Variants in SLC35H1 observed in about 807,000 individuals in gnomAD.
SLC35H1 encodes the protein solute carrier family 35 member H1.
chr20:46,359,752 TG>T, the SLC35H1 span, among the ~76,000 whole-genome samples: 5 of 152,236 alleles, frequency 3.3e-5, no homozygotes, highest in Non-Finnish European at 7.3e-5. Flanking sequence ...CTGCTTCATC[TG>T]GGTGCCCCCC....
the SLC35H1 span, chr20:46,350,736 GCT>G: frequency 6.2e-7 from 1 of 1,611,220 alleles, no homozygotes; most frequent in Non-Finnish European, 8.5e-7. Flanking sequence ...GAAAACAGAG[GCT>G]TCTGGAAGGG....
At chr20:46,353,859 G>C in the SLC35H1 span, among the ~76,000 whole-genome samples, 1 of 151,686 alleles carries the variant, frequency 6.6e-6, no homozygotes, top group African/African-American at 2.4e-5. Flanking sequence ...TTTTAAAGAA[G>C]GAAAAAAAAC....
chr20:46,363,313 G>C, the SLC35H1 span: 2 of 151,986 alleles, frequency 1.3e-5, no homozygotes, highest in African/African-American at 4.8e-5. Flanking sequence ...CAATCCACTT[G>C]CCAATGATTT....
the SLC35H1 span, chr20:46,357,758 G>A: frequency 6.2e-7 from 1 of 1,614,088 alleles, no homozygotes; most frequent in East Asian, 2.2e-5. Context: ...GTCATGAAGA[G>A]GGGGAAATGG....
chr20:46,359,034 G>A, the SLC35H1 span: 12 of 462,652 alleles, frequency 2.6e-5, no homozygotes, highest in South Asian at 1.5e-4. Flanking sequence ...TTCTGATAAA[G>A]ACCAGCACCC....
chr20:46,355,254 G>A, the SLC35H1 span: 1 of 1,608,516 alleles, frequency 6.2e-7, no homozygotes, highest in South Asian at 1.1e-5. This position sits in a 1 kb window ranked among gnomAD's most constrained non-coding sequence, Gnocchi z 4.8. Flanking sequence ...GGTAGGATGG[G>A]GAGCAGTGGC....
chr20:46,356,506 A>G, the SLC35H1 span: 1 of 1,509,046 alleles, frequency 6.6e-7, no homozygotes, highest in Non-Finnish European at 9.2e-7. Context: ...CCGGGTGTGC[A>G]GACACCCCGC....
the SLC35H1 span, among the ~76,000 whole-genome samples, chr20:46,361,880 G>T: frequency 1.3e-5 from 2 of 152,188 alleles, no homozygotes; most frequent in African/African-American, 4.8e-5. Flanking sequence ...AGGGAAGTCT[G>T]TTCACTCTTC....
chr20:46,346,030 G>T, the SLC35H1 span: 1 of 152,192 alleles, frequency 6.6e-6, no homozygotes, highest in East Asian at 1.9e-4. Context: ...CTCCAGCAGC[G>T]ATCACCGGCC....
chr20:46,352,089 T>A, the SLC35H1 span: 1 of 1,614,064 alleles, frequency 6.2e-7, no homozygotes, highest in Non-Finnish European at 8.5e-7. Context: ...AGGCTGGAGG[T>A]TCTGGAGACC....
chr20:46,348,412 C>G, the SLC35H1 span: 1 of 152,200 alleles, frequency 6.6e-6, no homozygotes, highest in Non-Finnish European at 1.5e-5. Context: ...GCCCAAGCAG[C>G]CTGCATCCCA....
the SLC35H1 span, chr20:46,358,504 CATTCGT>C: frequency 4.3e-6 from 7 of 1,614,106 alleles, no homozygotes; most frequent in Admixed American, 5.0e-5. Context: ...CCCACCTCCC[CATTCGT>C]GGCGGCTGCA....
the SLC35H1 span, chr20:46,358,626 C>T: frequency 6.4e-7 from 1 of 1,565,900 alleles, no homozygotes; most frequent in Non-Finnish European, 8.7e-7. Flanking sequence ...CGTCTCCAGG[C>T]TGGAGGAGCT....
chr20:46,363,114 AG>A, the SLC35H1 span: 2 of 152,232 alleles, frequency 1.3e-5, no homozygotes, highest in African/African-American at 4.8e-5. Context: ...TCCTCCTCCT[AG>A]AAAAAACCTT....
the SLC35H1 span, chr20:46,350,187 A>G: frequency 7.5e-5 from 35 of 464,108 alleles, no homozygotes; most frequent in Non-Finnish European, 1.2e-4. Context: ...AGCTCTGGCC[A>G]GTCCCAGGCT....
chr20:46,350,648 C>T, the SLC35H1 span: 3 of 1,211,042 alleles, frequency 2.5e-6, no homozygotes, highest in Admixed American at 6.4e-5. Context: ...CCCACATCTT[C>T]CTAGAGGAGT....
chr20:46,364,333 T>A, the SLC35H1 span: 5 of 152,280 alleles, frequency 3.3e-5, no homozygotes, highest in Admixed American at 6.5e-5. Flanking sequence ...CCCCAGCCTC[T>A]GGGAGTGCGC....
At chr20:46,351,380 C>T in the SLC35H1 span, among the ~76,000 whole-genome samples, 2 of 152,236 alleles carry the variant, frequency 1.3e-5, no homozygotes, top group African/African-American at 4.8e-5. Flanking sequence ...GGCTGGCCAC[C>T]AGAAGACCCT....
At chr20:46,351,097 G>A in the SLC35H1 span, among the ~76,000 whole-genome samples, 1 of 152,254 alleles carries the variant, frequency 6.6e-6, no homozygotes, top group Admixed American at 6.5e-5. Flanking sequence ...ATGCAACAAA[G>A]GAGGTGCTTG....
Sources: gnomAD v4.1 joint callset for allele counts (sites outside exome capture counted in the v4.1 genomes callset) on GRCh38, gnomAD v4.1.1 for gene constraint, Gnocchi (gnomAD v3.1) non-coding constraint, MANE v1.5 for transcripts, NCBI Gene and HGNC (gene_info 2026-07-23, HGNC 2026-07-21) for gene names.